KCNH1: variants seen among roughly 807,000 people sequenced by gnomAD.
KCNH1 encodes the protein voltage-gated delayed rectifier potassium channel KCNH1.
Under a neutral mutation model 69.2 loss-of-function variants are expected in KCNH1, and 27 were observed. The ratio of observed to expected loss-of-function variants is 0.39; its 90% CI spans 0.29 to 0.54. The LOEUF (loss-of-function observed/expected upper bound fraction) is 0.54. Ranked by LOEUF, KCNH1 falls within the 20% of genes least tolerant of loss-of-function variation. The probability of loss-of-function intolerance (pLI) is 0.68; values close to 1 mark genes in which losing one functional copy is unlikely to be tolerated. For missense variants in KCNH1, 798 were observed against 1,261.6 expected (o/e 0.63, Z 5.57); for synonymous variants, 456 against 487.7 (o/e 0.93, Z 0.86).
intron 10 of KCNH1, among the ~76,000 whole-genome samples, chr1:210,762,218 G>T (rs1683537697): frequency 6.6e-6 from 1 of 152,068 alleles, no homozygotes; most frequent in Non-Finnish European, 1.5e-5. Context: ...TCTCTGGGAT[G>T]CATCAAAAAC....
At position 210,733,947 on chromosome 1, in the gene KCNH1, TCTCACACACACACA is replaced by T. The variant is rs1487523263; in HGVS notation, c.2112+41387_2112+41400del. On this transcript the variant is annotated intron_variant, in intron 10 of 10. Transcript: ENST00000271751. ...CATCTTCAATTAGTATGTCTGTCTG[TCTCACACACACACA>T]CACACACACACACACACACACACAC... Among the ~76,000 whole-genome samples, 998 of 142,164 alleles carry T rather than the reference TCTCACACACACACA, an allele frequency of 7.0e-3. 12 individuals carry two copies. The highest frequency in any genetic ancestry group is 7.7e-3 in the Non-Finnish European group (492 of 63,820). The allele number at this position is 142,164 out of a possible 152,430, so 93.3% of individuals were successfully genotyped here. A position where few individuals can be genotyped will look rare whatever the true frequency, so the allele number is the denominator to read the frequency against.
At chr1:210,797,828 C>T (rs912435430) in intron 8 of KCNH1, 68 bp from the exon 9 acceptor site, 15 of 1,545,982 alleles carry the variant, frequency 9.7e-6, no homozygotes, top group South Asian at 6.1e-5. Context: ...TCCTTCAGCA[C>T]TCTAGGGGGA....
At chr1:211,067,630 G>A (rs1042193848) in intron 5 of KCNH1, among the ~76,000 whole-genome samples, 1 of 152,184 alleles carries the variant, frequency 6.6e-6, no homozygotes, top group Non-Finnish European at 1.5e-5. Context: ...GTGACATAAG[G>A]TATTTTTAAG....
At chr1:210,898,988 A>G (rs1281039397) in intron 7 of KCNH1, among the ~76,000 whole-genome samples, 1 of 152,150 alleles carries the variant, frequency 6.6e-6, no homozygotes, top group African/African-American at 2.4e-5. Flanking sequence ...TTGGGCTCAC[A>G]ATGGTTTTTA....
intron 3 of KCNH1, among the ~76,000 whole-genome samples, chr1:211,097,936 T>G (rs1691187151): frequency 6.6e-6 from 1 of 152,230 alleles, no homozygotes; most frequent in Non-Finnish European, 1.5e-5. Context: ...TTGATTTTCT[T>G]GTTTGAAAAA....
At chr1:210,865,663 C>A (rs1338720892) in intron 7 of KCNH1, among the ~76,000 whole-genome samples, 3 of 152,242 alleles carry the variant, frequency 2.0e-5, no homozygotes, top group African/African-American at 7.2e-5. Context: ...AAAACAGTAT[C>A]TCCAGATAGA....
At chr1:210,934,328 C>T (rs796215861) in intron 6 of KCNH1, among the ~76,000 whole-genome samples, 27 of 152,260 alleles carry the variant, frequency 1.8e-4, no homozygotes, top group African/African-American at 6.3e-4. Context: ...ACAAGGAACT[C>T]AACAGCAAAA....
chr1:210,683,169 G>T lies in KCNH1; in HGVS notation c.*112C>A. 1.8e-6 allele frequency: 2 copies of T among 1,081,492 alleles called. No homozygotes were observed. Among genetic ancestry groups the T allele is most frequent in the Non-Finnish European group, 2.7e-6 (2 of 750,932 alleles). 67.0% of individuals were successfully genotyped at this position (1,081,492 alleles called of 1,614,324 possible). On this transcript the variant is annotated 3_prime_UTR_variant, in exon 11 of 11. Coordinates refer to ENST00000271751, the MANE Select transcript of KCNH1 (RefSeq NM_172362.3). The surrounding 1 kb of genome is among the most constrained non-coding windows in gnomAD (Gnocchi z 5.7). ...CTAAGCCACTGGCCCCACTTTTTCT[G>T]TTAGGAAAAGCCTACTTGAAAATTG...
chr1:210,748,486 G>GCA (rs1683213161), intron 10 of KCNH1, among the ~76,000 whole-genome samples: 1 of 152,212 alleles, frequency 6.6e-6, no homozygotes, highest in African/African-American at 2.4e-5. Flanking sequence ...ACACAGGGTT[G>GCA]CATGTCAGAG....
chr1:211,018,498 T>C (rs1041937232), intron 6 of KCNH1, among the ~76,000 whole-genome samples: 1 of 152,202 alleles, frequency 6.6e-6, no homozygotes, highest in Non-Finnish European at 1.5e-5. Context: ...GCAGTGGCCA[T>C]GCATGCCTGC....
chr1:211,001,416 C>T (rs1335186496), intron 6 of KCNH1, among the ~76,000 whole-genome samples: 2 of 152,178 alleles, frequency 1.3e-5, no homozygotes, highest in Admixed American at 6.5e-5. Flanking sequence ...TGAAAAAATG[C>T]TCATCATCAC....
intron 7 of KCNH1, among the ~76,000 whole-genome samples, chr1:210,890,315 T>C (rs1011324395): frequency 6.6e-6 from 1 of 152,116 alleles, no homozygotes; most frequent in Non-Finnish European, 1.5e-5. Flanking sequence ...ATTTAATAAA[T>C]GGTGCTGGGA....
chr1:210,696,382 C>T (rs1428714838), intron 10 of KCNH1, among the ~76,000 whole-genome samples: 2 of 152,134 alleles, frequency 1.3e-5, no homozygotes, highest in African/African-American at 2.4e-5. Flanking sequence ...CCTCAGCATC[C>T]CTTTTTGCTC....
In KCNH1 at chr1:210,703,153, C is replaced by T. The variant is rs190206915; in HGVS notation, c.2113-19015G>A. ...AATAAATTTGGGTCCATAAAAATCCCTTCTGCATGGCACAACATGTGCAAG... is the reference window on the plus strand; with the variant it reads ...AATAAATTTGGGTCCATAAAAATCCTTTCTGCATGGCACAACATGTGCAAG... On this transcript the variant is annotated intron_variant, in intron 10 of 10. Coordinates refer to ENST00000271751, the MANE Select transcript of KCNH1 (RefSeq NM_172362.3). Among the ~76,000 whole-genome samples, 4 of 152,226 alleles carry T rather than the reference C, an allele frequency of 2.6e-5. No individual in the cohort carries two copies. In the East Asian group the frequency reaches 7.7e-4, roughly 29 times the overall value.
intron 7 of KCNH1, among the ~76,000 whole-genome samples, chr1:210,907,199 G>A (rs1558520189): frequency 2.0e-5 from 3 of 152,090 alleles, no homozygotes; most frequent in Non-Finnish European, 1.5e-5. Context: ...AGATAACGGT[G>A]GTAAATGGGA....
At chr1:211,102,698 C>T (rs1002351914) in intron 3 of KCNH1, among the ~76,000 whole-genome samples, 5 of 152,198 alleles carry the variant, frequency 3.3e-5, no homozygotes, top group Admixed American at 6.5e-5. Context: ...ATCACTCAAA[C>T]CTGAATGCCA....
intron 6 of KCNH1, among the ~76,000 whole-genome samples, chr1:211,004,557 A>C (rs1324209096): frequency 3.3e-5 from 5 of 152,154 alleles, no homozygotes; most frequent in Non-Finnish European, 7.4e-5. Context: ...ATACAAAATA[A>C]TCAATCCCAA....
chr1:210,870,307 C>T (rs1173601610), intron 7 of KCNH1, among the ~76,000 whole-genome samples: 1 of 152,068 alleles, frequency 6.6e-6, no homozygotes, highest in Non-Finnish European at 1.5e-5. Flanking sequence ...TCTTTCCATC[C>T]TCACCCCCAC....
chr1:210,754,523 G>A (rs1387291990), intron 10 of KCNH1, among the ~76,000 whole-genome samples: 1 of 152,050 alleles, frequency 6.6e-6, no homozygotes, highest in Non-Finnish European at 1.5e-5. Context: ...TGTGGGTCAC[G>A]GGGGTGGATC....
Sources: gnomAD v4.1 joint callset for allele counts (sites outside exome capture counted in the v4.1 genomes callset) on GRCh38, gnomAD v4.1.1 for gene constraint, Gnocchi (gnomAD v3.1) non-coding constraint, MANE v1.5 for transcripts, NCBI Gene and HGNC (gene_info 2026-07-23, HGNC 2026-07-21) for gene names.